PRKAG3: variants seen among roughly 807,000 people sequenced by gnomAD.
PRKAG3 encodes the protein protein kinase AMP-activated non-catalytic subunit gamma 3.
PRKAG3 carries 39 observed loss-of-function variants against 56.5 expected under a neutral mutation model. That is an observed-to-expected ratio of 0.69 (90% CI 0.53 to 0.90). PRKAG3 has a LOEUF of 0.90. Among genes scored for constraint, PRKAG3 ranks in the 40% least tolerant of loss-of-function variants. PRKAG3 has a pLI of 0.00. For synonymous variants in PRKAG3, 243 were observed against 250.1 expected (o/e 0.97, Z 0.27); for missense variants, 628 against 627.5 (o/e 1.00, Z -0.01).
chr2:218,823,699 C>T, exon 13 of PRKAG3: 1 of 1,610,138 alleles, frequency 6.2e-7, no homozygotes, highest in Non-Finnish European at 8.5e-7. Flanking sequence ...AGGCTGAGTT[C>T]TCCAGTTCCC....
chr2:218,830,654 T>C (rs1944007563), intron 3 of PRKAG3, 92 bp downstream of exon 3: 1 of 1,459,032 alleles, frequency 6.9e-7, no homozygotes. Flanking sequence ...CTCTGTGTTA[T>C]GGAGGGACCT....
intron 4 of PRKAG3, 93 bp downstream of exon 4, chr2:218,829,885 T>G: frequency 6.5e-7 from 1 of 1,527,262 alleles, no homozygotes; most frequent in African/African-American, 1.4e-5. Flanking sequence ...CAGGGGCACC[T>G]GGCTCAGCAG....
Position 218,828,074 on chromosome 2 carries a change from G to T in PRKAG3, c.716-12C>A. ...GATGGTCAGCATCCCTGCAGGGAGG[G>T]GCGGGGAGGAGGTCAGCCCGGGGCC... On this transcript the variant is annotated splice_polypyrimidine_tract_variant and intron_variant, in intron 5 of 12. Transcript: ENST00000529249. 6.4e-7 allele frequency: 1 copy of T among 1,554,334 alleles called. No homozygotes were observed. Among genetic ancestry groups the T allele is most frequent in the South Asian group, 1.2e-5 (1 of 84,332 alleles).
intron 4 of PRKAG3, among the ~76,000 whole-genome samples, chr2:218,828,855 C>T (rs80229043): frequency 0.036 from 5,466 of 152,274 alleles, 293 homozygotes; most frequent in African/African-American, 0.12. Context: ...GAGCCCCTCA[C>T]CTGGCACACC....
intron 10 of PRKAG3, among the ~76,000 whole-genome samples, chr2:218,825,730 T>A (rs1943922375): frequency 6.6e-6 from 1 of 151,734 alleles, no homozygotes; most frequent in Non-Finnish European, 1.5e-5. Flanking sequence ...TAATATGAAT[T>A]ATTCATGGTT....
chr2:218,827,453 G>C lies in PRKAG3; in HGVS notation c.876-80C>G. The C allele has an allele frequency of 6.2e-7, 1 of 1,607,938 alleles. No homozygotes were observed. Among genetic ancestry groups the C allele is most frequent in the Non-Finnish European group, 8.5e-7 (1 of 1,174,802 alleles). On this transcript the variant is annotated intron_variant, in intron 8 of 12. Coordinates refer to ENST00000529249, the Ensembl canonical transcript of PRKAG3. This position sits in a 1 kb window ranked among gnomAD's most constrained non-coding sequence, Gnocchi z 5.3. The stretch of plus-strand genomic sequence containing the variant: ...TCCCAGGCCCCTAAAAAGGAGGGCA[G>C]GGCACCAAGGCTCCCTTGTCTGTGT...
Position 218,823,693 on chromosome 2 carries a change from T to C in PRKAG3, c.*69A>G, listed in dbSNP as rs547761520. ...AATGGGGGTGGGGGAAGATGAAGGC[T>C]GAGTTCTCCAGTTCCCTTCATTGGC... is the stretch of plus-strand genomic sequence containing the variant. On this transcript the variant is annotated 3_prime_UTR_variant, in exon 13 of 13. Coordinates refer to ENST00000529249, the Ensembl canonical transcript of PRKAG3. The C allele has an allele frequency of 4.4e-6, 7 of 1,609,020 alleles. No homozygotes were observed. In the African/African-American group the frequency reaches 9.3e-5, roughly 21 times the overall value.
At chr2:218,830,474 A>C in intron 3 of PRKAG3, 93 bp from the exon 4 acceptor site, 1 of 1,471,098 alleles carries the variant, frequency 6.8e-7, no homozygotes, top group Non-Finnish European at 9.3e-7. Flanking sequence ...CAGCAGTGGG[A>C]AGCCTGGATG....
Position 218,824,364 on chromosome 2 carries a change from A to G in PRKAG3, c.1211T>C (p.Leu404Pro), listed in dbSNP as rs1263720261. The change falls in exon 12 of 13, where the codon CTG (leucine) becomes CCG (proline). Residue 404 changes from leucine (L) to proline (P), a missense_variant. Transcript: ENST00000529249. ...GTGGTTGTAGGTTTGCTGGGCAGCC[A>G]GGTGCTGGGGCAGAGAGAGAAGTAT... The G allele has an allele frequency of 2.5e-6, 4 of 1,613,952 alleles. No homozygotes were observed. In the African/African-American group the frequency reaches 4.0e-5, roughly 16 times the overall value.
At chr2:218,823,299 A>T (rs980165641), downstream of PRKAG3, 2 of 235,648 alleles carry the variant, frequency 8.5e-6, no homozygotes, top group Non-Finnish European at 8.4e-6. Context: ...CTTACTGGGG[A>T]TGGAAATTCC....
chr2:218,831,700 C>T (rs760066609), intron 1 of PRKAG3, 38 bp downstream of exon 1: 1 of 1,601,656 alleles, frequency 6.2e-7, no homozygotes, highest in Non-Finnish European at 8.5e-7. Context: ...CTTCTGGCCT[C>T]AGCTGCCCCG....
chr2:218,830,638 G>A (rs1038396125), intron 3 of PRKAG3, 108 bp downstream of exon 3: 3 of 1,379,636 alleles, frequency 2.2e-6, no homozygotes, highest in South Asian at 1.4e-5. Context: ...TGAAGGTTGG[G>A]TCCAACTCTG....
intron 10 of PRKAG3, among the ~76,000 whole-genome samples, chr2:218,825,369 G>A (rs186624403): frequency 1.3e-5 from 2 of 151,272 alleles, no homozygotes; most frequent in East Asian, 1.9e-4. Flanking sequence ...TTGGCCGGTC[G>A]CGGTGGCTCA....
chr2:218,829,902 C>T (rs537562000), intron 4 of PRKAG3, 76 bp downstream of exon 4: 12 of 1,579,680 alleles, frequency 7.6e-6, no homozygotes, highest in Admixed American at 1.7e-5. Context: ...GCAGGGCATC[C>T]TGCAGGGTGG....
At position 218,827,085 on chromosome 2, in the gene PRKAG3, C is replaced by T. The variant is rs1456874099; in HGVS notation, c.1011G>A (p.Leu337=). The change falls in exon 10 of 13, where the codon CTG becomes CTA. Residue 337 remains leucine (L), a synonymous_variant. Coordinates refer to ENST00000529249, the Ensembl canonical transcript of PRKAG3. The surrounding 1 kb of genome is among the most constrained non-coding windows in gnomAD (Gnocchi z 5.3). Reference sequence around the variant, plus strand: ...GGTAGAGGAAGGAGGGCCGGGGCAGCAGGGAACCCTGGTTAGGATGGGGAC... The same window carrying T: ...GGTAGAGGAAGGAGGGCCGGGGCAGTAGGGAACCCTGGTTAGGATGGGGAC... The T allele has an allele frequency of 1.2e-6, 2 of 1,613,218 alleles. No individual in the cohort carries two copies. The highest frequency in any genetic ancestry group is 1.7e-6 in the Non-Finnish European group (2 of 1,180,022).
intron 1 of PRKAG3, 119 bp downstream of exon 1, chr2:218,831,619 G>C (rs1018207545): frequency 7.3e-7 from 1 of 1,375,344 alleles, no homozygotes; most frequent in African/African-American, 1.4e-5. Flanking sequence ...ATATTCACGA[G>C]AAAATCCAGA....
chr2:218,827,340 G>A lies in PRKAG3; in HGVS notation c.909C>T (p.Asn303=). The A allele has an allele frequency of 1.2e-6, 2 of 1,614,202 alleles. No individual in the cohort carries two copies. The highest frequency in any genetic ancestry group is 1.7e-6 in the Non-Finnish European group (2 of 1,180,036). The change falls in exon 9 of 13, where the codon AAC becomes AAT. Residue 303 remains asparagine, a synonymous_variant. Coordinates refer to ENST00000529249, the Ensembl canonical transcript of PRKAG3. This position sits in a 1 kb window ranked among gnomAD's most constrained non-coding sequence, Gnocchi z 5.3. ...CAAGAACAGGCAGGCGATGGATCCG[G>A]TTCTTGATGAGGGTGTAGACAGCTT...
At chr2:218,822,670 G>A (rs1943862219), downstream of PRKAG3, 1 of 159,602 alleles carries the variant, frequency 6.3e-6, no homozygotes, top group Non-Finnish European at 1.3e-5. Flanking sequence ...CCTCCAACAG[G>A]CAGTTCTATA....
exon 10 of PRKAG3, chr2:218,826,937 T>G: frequency 6.2e-7 from 1 of 1,614,066 alleles, no homozygotes; most frequent in Non-Finnish European, 8.5e-7. Flanking sequence ...CCACATTCGT[T>G]GACCACAGGC....
Sources: gnomAD v4.1 joint callset for allele counts (sites outside exome capture counted in the v4.1 genomes callset) on GRCh38, gnomAD v4.1.1 for gene constraint, Gnocchi (gnomAD v3.1) non-coding constraint, MANE v1.5 for transcripts, NCBI Gene and HGNC (gene_info 2026-07-23, HGNC 2026-07-21) for gene names.